Variants in MRM1 observed in about 807,000 individuals in gnomAD.
The protein encoded by MRM1 is rRNA methyltransferase 1, mitochondrial.
In MRM1, 24 loss-of-function variants were observed where a neutral mutation model predicts 25.0. That is an observed-to-expected ratio of 0.96 (90% CI 0.69 to 1.35). The LOEUF (loss-of-function observed/expected upper bound fraction) is 1.35. MRM1 is among the 40% of genes most tolerant of loss of function. The probability of loss-of-function intolerance (pLI) is 0.00; values close to 1 mark genes in which losing one functional copy is unlikely to be tolerated. For synonymous variants in MRM1, 188 were observed against 199.2 expected (o/e 0.94, Z 0.47); for missense variants, 431 against 464.1 (o/e 0.93, Z 0.65).
In MRM1 at chr17:36,608,389, G is replaced by A. The variant is rs1223949188; in HGVS notation, c.1036G>A (p.Glu346Lys). The A allele has an allele frequency of 6.3e-7, 1 of 1,581,794 alleles. No homozygotes were observed. Among genetic ancestry groups the A allele is most frequent in the Admixed American group, 1.9e-5 (1 of 53,496 alleles). Residue 346 changes from glutamate (E) to lysine (K), a missense_variant, in exon 5 of 5, where the codon GAG (glutamate) becomes AAG (lysine). Glu to Lys is a moderately conservative substitution (Grantham distance 56, BLOSUM62 1). Coordinates refer to ENST00000614766, the MANE Select transcript of MRM1 (RefSeq NM_024864.5). ...AQHPGLSSGP[E>K]KERQNEG ...GCACCCAGGGCTGTCTTCAGGCCCA[G>A]AGAAAGAGAGGCAAAATGAGGGCTG...
chr17:36,612,049 C>T (rs1479121484), downstream of MRM1, among the ~76,000 whole-genome samples: 1 of 152,192 alleles, frequency 6.6e-6, no homozygotes, highest in Non-Finnish European at 1.5e-5. Context: ...CAGGGTTCAG[C>T]TTGCTCTCTA....
At chr17:36,612,553 T>C (rs2142848058), downstream of MRM1, among the ~76,000 whole-genome samples, 1 of 152,116 alleles carries the variant, frequency 6.6e-6, no homozygotes, top group East Asian at 1.9e-4. Context: ...GCTGTGGGTG[T>C]GAAGGGGCTG....
chr17:36,611,993 G>A (rs901584944), downstream of MRM1, among the ~76,000 whole-genome samples: 10 of 152,174 alleles, frequency 6.6e-5, no homozygotes, highest in African/African-American at 2.4e-4. Context: ...TAATGCAGTT[G>A]ATGAAAATGA....
the MRM1 span, among the ~76,000 whole-genome samples, chr17:36,615,613 C>G: frequency 6.6e-6 from 1 of 150,692 alleles, no homozygotes. Flanking sequence ...GAGCTGAGAT[C>G]GCGCTATTGC....
intron 2 of MRM1, among the ~76,000 whole-genome samples, chr17:36,604,902 G>A (rs896594919): frequency 6.6e-6 from 1 of 152,042 alleles, no homozygotes; most frequent in Non-Finnish European, 1.5e-5. Flanking sequence ...AACTTTGGGA[G>A]GCTGAGGCAG....
chr17:36,619,262 A>G, the MRM1 span, among the ~76,000 whole-genome samples: 2 of 152,210 alleles, frequency 1.3e-5, no homozygotes, highest in African/African-American at 4.8e-5. Context: ...TTGTCTGTGT[A>G]CACCACATTT....
At chr17:36,615,982 G>C in the MRM1 span, among the ~76,000 whole-genome samples, 2 of 148,004 alleles carry the variant, frequency 1.4e-5, no homozygotes, top group African/African-American at 5.2e-5. Flanking sequence ...GACAGAGTGA[G>C]ACTGTCTCAA....
downstream of MRM1, among the ~76,000 whole-genome samples, chr17:36,611,039 C>T (rs1007929638): frequency 1.3e-5 from 2 of 152,066 alleles, no homozygotes; most frequent in East Asian, 1.9e-4. Flanking sequence ...GTCTCAAATT[C>T]CCTGACCTCA....
chr17:36,627,664 T>C, the MRM1 span, among the ~76,000 whole-genome samples: 10 of 150,996 alleles, frequency 6.6e-5, no homozygotes, highest in Non-Finnish European at 1.3e-4. Context: ...TCCTGTCTTC[T>C]TTGGACACTG....
the MRM1 span, among the ~76,000 whole-genome samples, chr17:36,629,849 C>T: frequency 6.6e-6 from 1 of 152,178 alleles, no homozygotes. Context: ...CCTGGGGTCT[C>T]CCAGGAGTGG....
Position 36,602,668 on chromosome 17 carries a change from AG to A in MRM1, c.636+24del. ...ACAGGTAATGAGGGGCAAGAGGGGAAGGAACAGATGTGAGCCCAGCTCAGCC... is the reference window on the plus strand; with the variant it reads ...ACAGGTAATGAGGGGCAAGAGGGGAAGAACAGATGTGAGCCCAGCTCAGCC... On this transcript the variant is annotated intron_variant, in intron 2 of 4. Transcript: ENST00000614766. This position sits in a 1 kb window ranked among gnomAD's most constrained non-coding sequence, Gnocchi z 4.1. 1 of 1,613,040 alleles carries A rather than the reference AG, an allele frequency of 6.2e-7. No homozygotes were observed.
the MRM1 span, among the ~76,000 whole-genome samples, chr17:36,625,462 C>CTTTTTTTTT: frequency 8.7e-3 from 887 of 101,954 alleles, 75 homozygotes; most frequent in African/African-American, 0.031. Context: ...CCTCCTCCTC[C>CTTTTTTTTT]TTTTTTTTTT....
downstream of MRM1, among the ~76,000 whole-genome samples, chr17:36,613,645 A>T (rs1051805633): frequency 1.3e-5 from 2 of 152,200 alleles, no homozygotes; most frequent in Non-Finnish European, 2.9e-5. Context: ...GGGAAAGCAG[A>T]CAGGGAGGCT....
the MRM1 span, among the ~76,000 whole-genome samples, chr17:36,616,081 G>A: frequency 2.0e-5 from 3 of 152,042 alleles, no homozygotes; most frequent in Non-Finnish European, 4.4e-5. Context: ...AGCCCCTCCC[G>A]CCCTCTAGGA....
At position 36,601,675 on chromosome 17, in the gene MRM1, G is replaced by C; in HGVS notation, c.-136G>C. ...TGGGTAATCGGGGCTGTTTGTTCCT[G>C]TCCGAGAGAGCTCGGCGGAGACGGC... On this transcript the variant is annotated 5_prime_UTR_variant, in exon 1 of 5. Coordinates refer to ENST00000614766, the MANE Select transcript of MRM1 (RefSeq NM_024864.5). The C allele has an allele frequency of 1.0e-6, 1 of 960,992 alleles. No individual in the cohort carries two copies. The highest frequency in any genetic ancestry group is 1.5e-6 in the Non-Finnish European group (1 of 671,124). 59.5% of individuals were successfully genotyped at this position (960,992 alleles called of 1,614,324 possible).
chr17:36,631,997 G>A, the MRM1 span, among the ~76,000 whole-genome samples: 7 of 152,090 alleles, frequency 4.6e-5, no homozygotes, highest in African/African-American at 1.7e-4. Flanking sequence ...GAACAACCCA[G>A]GGAAAAATAA....
In MRM1 at chr17:36,602,728, G is replaced by A. The variant is rs2074891504; in HGVS notation, c.636+82G>A. On this transcript the variant is annotated intron_variant, in intron 2 of 4. Transcript: ENST00000614766. The surrounding 1 kb of genome is among the most constrained non-coding windows in gnomAD (Gnocchi z 4.1). ...GGGACGAAGCTAGCCCCTGGCGAGG[G>A]AGAGAAAGGGGCATGTTGGCACCGC... The A allele has an allele frequency of 2.0e-6, 3 of 1,506,268 alleles. No homozygotes were observed. The highest frequency in any genetic ancestry group is 1.7e-5 in the Admixed American group (1 of 58,182). The allele number at this position is 1,506,268 out of a possible 1,614,324, so 93.3% of individuals were successfully genotyped here. A position where few individuals can be genotyped will look rare whatever the true frequency, so the allele number is the denominator to read the frequency against.
chr17:36,620,469 A>T, the MRM1 span, among the ~76,000 whole-genome samples: 1 of 152,168 alleles, frequency 6.6e-6, no homozygotes, highest in African/African-American at 2.4e-5. Context: ...CAGAAACAGG[A>T]CCAGTAGGAG....
the MRM1 span, among the ~76,000 whole-genome samples, chr17:36,625,990 C>G: frequency 8.6e-5 from 13 of 152,026 alleles, no homozygotes; most frequent in East Asian, 5.8e-4. Flanking sequence ...GCCATGCCCC[C>G]CCGCCGACCC....
Sources: allele counts gnomAD v4.1 joint callset (sites outside exome capture counted in the v4.1 genomes callset), GRCh38; gene constraint gnomAD v4.1.1; non-coding constraint Gnocchi (gnomAD v3.1); transcripts MANE v1.5; gene names NCBI Gene and HGNC (gene_info 2026-07-23, HGNC 2026-07-21).